Variants in CREB5 observed in about 807,000 individuals in gnomAD.
CREB5 encodes the protein cyclic AMP-responsive element-binding protein 5.
CREB5 carries 19 observed loss-of-function variants against 57.1 expected under a neutral mutation model. The observed-to-expected ratio is 0.33, with a 90% CI of 0.23 to 0.49. CREB5 has a LOEUF of 0.49. CREB5 is among the 20% of genes least tolerant of loss of function. CREB5 has a pLI of 0.99. For synonymous variants in CREB5, 238 were observed against 238.3 expected, an observed-to-expected ratio of 1.00 and a Z score of 0.01; for missense variants, 579 against 671.6, an observed-to-expected ratio of 0.86 and a Z score of 1.52.
chr7:28,766,431 G>A (rs1241099990), intron 7 of CREB5, among the ~76,000 whole-genome samples: 1 of 152,208 alleles, frequency 6.6e-6, no homozygotes, highest in Non-Finnish European at 1.5e-5. Flanking sequence ...AGGTCTGAAT[G>A]ATAAAGCATT....
intron 1 of CREB5, among the ~76,000 whole-genome samples, chr7:28,475,261 T>G (rs1384411230): frequency 8.5e-5 from 1 of 11,766 alleles, no homozygotes; most frequent in Non-Finnish European, 2.0e-4. Flanking sequence ...TTTTTTTTTT[T>G]TTTTTTTTTT....
chr7:28,560,404 T>A (rs1240934871), intron 4 of CREB5, among the ~76,000 whole-genome samples: 1 of 152,170 alleles, frequency 6.6e-6, no homozygotes, highest in Non-Finnish European at 1.5e-5. Flanking sequence ...TGTGGGCTTT[T>A]ACTGATGGTA....
intron 1 of CREB5, among the ~76,000 whole-genome samples, chr7:28,362,775 A>G (rs1483372405): frequency 6.6e-6 from 1 of 152,228 alleles, no homozygotes; most frequent in Non-Finnish European, 1.5e-5. Flanking sequence ...AAAATCGGAA[A>G]AACAAGCTTA....
chr7:28,431,981 C>CT (rs142344867), intron 1 of CREB5, among the ~76,000 whole-genome samples: 3 of 137,904 alleles, frequency 2.2e-5, no homozygotes, highest in Admixed American at 7.1e-5. Flanking sequence ...AACAGCTATG[C>CT]CTTTTTTTTT....
intron 5 of CREB5, among the ~76,000 whole-genome samples, chr7:28,625,279 G>A (rs1212926833): frequency 6.6e-6 from 1 of 152,118 alleles, no homozygotes; most frequent in Non-Finnish European, 1.5e-5. Flanking sequence ...CATGCTGATA[G>A]GACGAACAAA....
At chr7:28,451,450 CTGTGTGTGTGTGTGTGTGTGTGTGTGTG>C (rs6150047) in intron 1 of CREB5, among the ~76,000 whole-genome samples, 6 of 146,922 alleles carry the variant, frequency 4.1e-5, no homozygotes, top group Non-Finnish European at 9.0e-5. Context: ...CTTTGCCAAA[CTGTGTGTGTGTGTGTGTGTGTGTGTGTG>C]TGTGTGTGTG....
intron 1 of CREB5, among the ~76,000 whole-genome samples, chr7:28,475,210 T>C (rs924972040): frequency 8.6e-5 from 13 of 151,476 alleles, no homozygotes; most frequent in Non-Finnish European, 1.5e-4. Context: ...CTTCCTTTTT[T>C]TCACAGCTAA....
intron 1 of CREB5, among the ~76,000 whole-genome samples, chr7:28,447,473 G>T (rs141357837): frequency 3.8e-4 from 58 of 152,310 alleles, no homozygotes; most frequent in African/African-American, 1.4e-3. Context: ...GTGTCTTAGG[G>T]TATTAGTGTG....
intron 4 of CREB5, among the ~76,000 whole-genome samples, chr7:28,534,685 G>A (rs1222748344): frequency 6.7e-6 from 1 of 149,200 alleles, no homozygotes; most frequent in African/African-American, 2.5e-5. Context: ...ACTTATGCTT[G>A]TTTAAAAACC....
At chr7:28,400,800 C>A (rs1252422344) in intron 1 of CREB5, among the ~76,000 whole-genome samples, 1 of 152,152 alleles carries the variant, frequency 6.6e-6, no homozygotes, top group African/African-American at 2.4e-5. Flanking sequence ...ATGAGAATAA[C>A]CTTCCCCATC....
At chr7:28,597,041 A>G (rs1399238196) in intron 5 of CREB5, among the ~76,000 whole-genome samples, 1 of 152,156 alleles carries the variant, frequency 6.6e-6, no homozygotes, top group East Asian at 1.9e-4. Context: ...TGAGCTCAAG[A>G]GTGTGGTTAA....
At chr7:28,308,059 G>A (rs1391487316) in intron 1 of CREB5, among the ~76,000 whole-genome samples, 1 of 152,192 alleles carries the variant, frequency 6.6e-6, no homozygotes, top group Non-Finnish European at 1.5e-5. Context: ...TGGTGCCTGG[G>A]CATCCTGGAT....
At chr7:28,334,405 C>A (rs1785774355) in intron 1 of CREB5, among the ~76,000 whole-genome samples, 1 of 152,204 alleles carries the variant, frequency 6.6e-6, no homozygotes, top group Admixed American at 6.5e-5. Context: ...GATCTGCCCA[C>A]CTTGGCCTCC....
chr7:28,548,540 G>A (rs1473733324), intron 4 of CREB5, among the ~76,000 whole-genome samples: 2 of 152,152 alleles, frequency 1.3e-5, no homozygotes, highest in Non-Finnish European at 2.9e-5. Context: ...CCAAACGAAT[G>A]TGGAGAAAGT....
At chr7:28,599,750 TTTTG>T (rs375752264) in intron 5 of CREB5, among the ~76,000 whole-genome samples, 6,912 of 16,130 alleles carry the variant, frequency 0.43, 199 homozygotes, top group Middle Eastern at 0.62. Context: ...TTTTGTTTTG[TTTTG>T]TTTTTTTATT....
At chr7:28,667,093 T>A (rs895305132) in intron 5 of CREB5, among the ~76,000 whole-genome samples, 1 of 151,970 alleles carries the variant, frequency 6.6e-6, no homozygotes, top group African/African-American at 2.4e-5. Flanking sequence ...GCTCTTGGAA[T>A]CATGTAGAAA....
At chr7:28,765,091 C>T (rs1562625698) in intron 7 of CREB5, among the ~76,000 whole-genome samples, 1 of 152,194 alleles carries the variant, frequency 6.6e-6, no homozygotes. Context: ...ATGTTACTGA[C>T]ATTTTTATTC....
chr7:28,722,986 T>A (rs1186727326), intron 6 of CREB5, among the ~76,000 whole-genome samples: 2 of 152,194 alleles, frequency 1.3e-5, no homozygotes, highest in Non-Finnish European at 2.9e-5. Context: ...GGTCATTTAG[T>A]TCAATGAGCC....
chr7:28,545,776 G>C (rs929567517), intron 4 of CREB5, among the ~76,000 whole-genome samples: 1 of 151,926 alleles, frequency 6.6e-6, no homozygotes, highest in Non-Finnish European at 1.5e-5. Flanking sequence ...CAGTTTCCAC[G>C]CCCATTCTCT....
Sources: gnomAD v4.1 joint callset for allele counts (sites outside exome capture counted in the v4.1 genomes callset) on GRCh38, gnomAD v4.1.1 for gene constraint, MANE v1.5 for transcripts, NCBI Gene and HGNC (gene_info 2026-07-23, HGNC 2026-07-21) for gene names.